The following SRF variants were observed in gnomAD, a reference collection of about 807,000 sequenced individuals.
The protein encoded by SRF is c-fos serum response element-binding transcription factor.
A neutral mutation model predicts 37.1 loss-of-function variants in SRF; 7 were observed. That is an observed-to-expected ratio of 0.19 (90% CI 0.11 to 0.35). The LOEUF is 0.35. SRF is among the 10% of genes least tolerant of loss of function. The probability of loss-of-function intolerance (pLI) is 1.00; values close to 1 mark genes in which losing one functional copy is unlikely to be tolerated. For missense variants in SRF, 395 were observed against 694.4 expected, an observed-to-expected ratio of 0.57 and a Z score of 4.85; for synonymous variants, 285 against 310.1, an observed-to-expected ratio of 0.92 and a Z score of 0.85.
rs1435794416 is a variant in SRF at position 43,172,677 on chromosome 6, C to T, written c.513+508C>T. Among the ~76,000 whole-genome samples, 1 of 152,128 alleles carries T rather than the reference C, an allele frequency of 6.6e-6. No homozygotes were observed. Among genetic ancestry groups the T allele is most frequent in the African/African-American group, 2.4e-5 (1 of 41,414 alleles). On this transcript the variant is annotated intron_variant, in intron 1 of 6. Transcript: ENST00000265354. This position sits in a 1 kb window ranked among gnomAD's most constrained non-coding sequence, Gnocchi z 5.7. ...GAGTAGTGCTGGTTGGAAGGACAGG[C>T]AGGGTTAGGGACCAGGTAAGGGAGC...
chr6:43,179,266 C>A lies in SRF; in HGVS notation c.*76C>A. 1 of 1,517,908 alleles carries A rather than the reference C, an allele frequency of 6.6e-7. No homozygotes were observed. Among genetic ancestry groups the A allele is most frequent in the Non-Finnish European group, 9.1e-7 (1 of 1,101,962 alleles). The allele number at this position is 1,517,908 out of a possible 1,614,324, so 94.0% of individuals were successfully genotyped here. ...TTGTTGCCTTTTCACGTTTTCTTTA[C>A]ACACACGTTGACGGGCCGCAGGAGG... On this transcript the variant is annotated 3_prime_UTR_variant, in exon 7 of 7. Transcript: ENST00000265354. The surrounding 1 kb of genome is among the most constrained non-coding windows in gnomAD (Gnocchi z 5.3).
Position 43,178,888 on chromosome 6 carries a change from T to C in SRF, c.1431+6T>C, listed in dbSNP as rs990426829. 3 of 1,613,978 alleles carry C rather than the reference T, an allele frequency of 1.9e-6. No homozygotes were observed. Among genetic ancestry groups the C allele is most frequent in the Non-Finnish European group, 2.5e-6 (3 of 1,179,806 alleles). Reference sequence around the variant, plus strand: ...CAGCAGTTCAGCTCCACCAGGTAGGTAGGGATATCTTTCACCCCATCCCAG... The same window carrying C: ...CAGCAGTTCAGCTCCACCAGGTAGGCAGGGATATCTTTCACCCCATCCCAG... On this transcript the variant is annotated splice_donor_region_variant and intron_variant, in intron 6 of 6. Transcript: ENST00000265354. This position sits in a 1 kb window ranked among gnomAD's most constrained non-coding sequence, Gnocchi z 4.3.
chr6:43,177,466 G>A (rs1385670777), intron 4 of SRF, among the ~76,000 whole-genome samples: 1 of 150,910 alleles, frequency 6.6e-6, no homozygotes, highest in African/African-American at 2.4e-5. Flanking sequence ...TCCTGACCTC[G>A]TGATCCGCCC....
rs774304417 is a variant in SRF, at chr6:43,173,403, A to G, written c.514-444A>G. Among the ~76,000 whole-genome samples, 3 of 152,242 alleles carry G rather than the reference A, an allele frequency of 2.0e-5. No individual in the cohort carries two copies. Among genetic ancestry groups the G allele is most frequent in the Non-Finnish European group, 4.4e-5 (3 of 68,040 alleles). On this transcript the variant is annotated intron_variant, in intron 1 of 6. Coordinates refer to ENST00000265354, the MANE Select transcript of SRF (RefSeq NM_003131.4). The surrounding 1 kb of genome is among the most constrained non-coding windows in gnomAD (Gnocchi z 4.2). ...GTTGGAGCCTGTGCAGTTTCTGGAAAGAAACATGGGACAGTTGGAGCTTAA... is the reference window on the plus strand; with the variant it reads ...GTTGGAGCCTGTGCAGTTTCTGGAAGGAAACATGGGACAGTTGGAGCTTAA...
Position 43,178,314 on chromosome 6 carries a change from A to T in SRF, c.1183A>T (p.Met395Leu). The change falls in exon 5 of 7, where the codon ATG (methionine) becomes TTG (leucine). Residue 395 changes from methionine to leucine, a missense_variant. By Grantham distance (15) the Met-to-Leu change is conservative. Coordinates refer to ENST00000265354, the MANE Select transcript of SRF (RefSeq NM_003131.4). The surrounding 1 kb of genome is among the most constrained non-coding windows in gnomAD (Gnocchi z 4.3). ...GCCAGTGACGCTGCCCGCCACCATCATGACGTCATCCGTGCCCACAACTGT... is the reference window on the plus strand; with the variant it reads ...GCCAGTGACGCTGCCCGCCACCATCTTGACGTCATCCGTGCCCACAACTGT... ...SGTVTLPATI[M>L]TSSVPTTVGG... 2 of 1,604,194 alleles carry T rather than the reference A, an allele frequency of 1.2e-6. No homozygotes were observed. Among genetic ancestry groups the T allele is most frequent in the Non-Finnish European group, 1.7e-6 (2 of 1,172,638 alleles).
chr6:43,178,654 C>T lies in SRF; in HGVS notation c.1355-152C>T, dbSNP rs2150497819. ...TTTGGACACCCCACTTGGACACTCA[C>T]ACCCGCATGCACCCTCAGACACACT... On this transcript the variant is annotated intron_variant, in intron 5 of 6. Transcript: ENST00000265354. This position sits in a 1 kb window ranked among gnomAD's most constrained non-coding sequence, Gnocchi z 4.3. 3 of 1,174,178 alleles carry T rather than the reference C, an allele frequency of 2.6e-6. No individual in the cohort carries two copies. The highest frequency in any genetic ancestry group is 1.8e-5 in the Admixed American group (1 of 57,136). 72.7% of individuals were successfully genotyped at this position (1,174,178 alleles called of 1,614,324 possible).
At position 43,171,935 on chromosome 6, in the gene SRF, C is replaced by T. The variant is rs767703965; in HGVS notation, c.279C>T (p.Ala93=). 1.3e-5 allele frequency: 19 copies of T among 1,474,628 alleles called. No homozygotes were observed. The African/African-American group carries it at 1.9e-4, about 15-fold the overall frequency. 91.3% of individuals were successfully genotyped at this position (1,474,628 alleles called of 1,614,324 possible). A position where few individuals can be genotyped will look rare whatever the true frequency, so the allele number is the denominator to read the frequency against. The change falls in exon 1 of 7, where the codon GCC becomes GCT. Residue 93 remains alanine, a synonymous_variant. Coordinates refer to ENST00000265354, the MANE Select transcript of SRF (RefSeq NM_003131.4). The surrounding 1 kb of genome is among the most constrained non-coding windows in gnomAD (Gnocchi z 6.5). Reference sequence around the variant, plus strand: ...CGGGCGAGGAGGAGGAGCTGGGCGCCGAGCGGCGCGGCCTGAAGCGGAGCC... The same window carrying T: ...CGGGCGAGGAGGAGGAGCTGGGCGCTGAGCGGCGCGGCCTGAAGCGGAGCC... The part of the protein sequence containing the change: ...SESGEEEELG[A]ERRGLKRSLS...
At chr6:43,177,630 G>T (rs975809130) in intron 4 of SRF, among the ~76,000 whole-genome samples, 3 of 151,476 alleles carry the variant, frequency 2.0e-5, no homozygotes, top group African/African-American at 2.4e-5. Flanking sequence ...AAGAAGGAGA[G>T]AGAGGCCGGG....
Position 43,181,032 on chromosome 6 carries a change from T to C in SRF, c.*1842T>C. On this transcript the variant is annotated 3_prime_UTR_variant, in exon 7 of 7. Coordinates refer to ENST00000265354, the MANE Select transcript of SRF (RefSeq NM_003131.4). ...ATCAGGGGCCAGAGAGCAGGGGAGC[T>C]TGGGACTCAGGTCTGTAACTGCCCA... 6.5e-6 allele frequency: 1 copy of C among 152,772 alleles called. No individual in the cohort carries two copies. The highest frequency in any genetic ancestry group is 1.5e-5 in the Non-Finnish European group (1 of 68,060). 9.5% of individuals were successfully genotyped at this position (152,772 alleles called of 1,614,324 possible).
rs1457016910 is a variant in SRF at position 43,173,372 on chromosome 6, C to T, written c.514-475C>T. 2.6e-5 allele frequency among the ~76,000 whole-genome samples: 4 copies of T among 152,178 alleles called. No homozygotes were observed. Among genetic ancestry groups the T allele is most frequent in the Non-Finnish European group, 4.4e-5 (3 of 68,024 alleles). On this transcript the variant is annotated intron_variant, in intron 1 of 6. Coordinates refer to ENST00000265354, the MANE Select transcript of SRF (RefSeq NM_003131.4). The surrounding 1 kb of genome is among the most constrained non-coding windows in gnomAD (Gnocchi z 4.2). ...GGCAAAAGGAGAAACTAGGCTGTGG[C>T]AACAAGTTGGAGCCTGTGCAGTTTC...
At position 43,172,181 on chromosome 6, in the gene SRF, G is replaced by A; in HGVS notation, c.513+12G>A. ...GCATCATGAAGAAGGTACCAAGCCGGGGGGCTGGCCGGCCCCGGGGCCCGG... is the reference window on the plus strand; with the variant it reads ...GCATCATGAAGAAGGTACCAAGCCGAGGGGCTGGCCGGCCCCGGGGCCCGG... On this transcript the variant is annotated intron_variant, in intron 1 of 6. Transcript: ENST00000265354. This position sits in a 1 kb window ranked among gnomAD's most constrained non-coding sequence, Gnocchi z 5.7. 1 of 1,606,654 alleles carries A rather than the reference G, an allele frequency of 6.2e-7. No homozygotes were observed. Among genetic ancestry groups the A allele is most frequent in the African/African-American group, 1.3e-5 (1 of 74,992 alleles).
At position 43,180,147 on chromosome 6, in the gene SRF, G is replaced by T. The variant is rs1034737199; in HGVS notation, c.*957G>T. 1 of 152,292 alleles carries T rather than the reference G, an allele frequency of 6.6e-6. No homozygotes were observed. The highest frequency in any genetic ancestry group is 2.4e-5 in the African/African-American group (1 of 41,448). The allele number at this position is 152,292 out of a possible 1,614,324, so 9.4% of individuals were successfully genotyped here. The stretch of plus-strand genomic sequence containing the variant: ...GGTTGTTTCCAGGAGAAAGCCGGGG[G>T]AGGGGCCCTCAGGCCATTCCCCAAC... On this transcript the variant is annotated 3_prime_UTR_variant, in exon 7 of 7. Coordinates refer to ENST00000265354, the MANE Select transcript of SRF (RefSeq NM_003131.4).
Position 43,179,057 on chromosome 6 carries a change from C to A in SRF, c.1432-38C>A. The A allele has an allele frequency of 6.2e-7, 1 of 1,610,364 alleles. No individual in the cohort carries two copies. Among genetic ancestry groups the A allele is most frequent in the Non-Finnish European group, 8.5e-7 (1 of 1,176,940 alleles). On this transcript the variant is annotated intron_variant, in intron 6 of 6. Coordinates refer to ENST00000265354, the MANE Select transcript of SRF (RefSeq NM_003131.4). The surrounding 1 kb of genome is among the most constrained non-coding windows in gnomAD (Gnocchi z 5.3). ...GCCAGGGGAGCCTGAACTGGCTGGC[C>A]AGTCCCTGCCCCTCCTCATACATCC...
chr6:43,177,872 G>A (rs1223269075), intron 4 of SRF, among the ~76,000 whole-genome samples: 4 of 146,914 alleles, frequency 2.7e-5, no homozygotes, highest in East Asian at 2.0e-4. Flanking sequence ...CCAAGATCGC[G>A]CCACTGCACC....
chr6:43,178,905 C>T lies in SRF; in HGVS notation c.1431+23C>T. On this transcript the variant is annotated intron_variant, in intron 6 of 6. Transcript: ENST00000265354. The surrounding 1 kb of genome is among the most constrained non-coding windows in gnomAD (Gnocchi z 4.3). ...CAGGTAGGTAGGGATATCTTTCACC[C>T]CATCCCAGATAGCCACTTCTTTGTC... 6.2e-7 allele frequency: 1 copy of T among 1,611,492 alleles called. No individual in the cohort carries two copies. The highest frequency in any genetic ancestry group is 8.5e-7 in the Non-Finnish European group (1 of 1,177,584).
rs1304755123 is a variant in SRF at position 43,175,734 on chromosome 6, C to G, written c.809C>G (p.Thr270Ser). 1 of 1,614,064 alleles carries G rather than the reference C, an allele frequency of 6.2e-7. No homozygotes were observed. The highest frequency in any genetic ancestry group is 8.5e-7 in the Non-Finnish European group (1 of 1,180,034). ...KDTLKPAFTV[T>S]NLPGTTSTIQ... Reference sequence around the variant, plus strand: ...ACACTGAAGCCGGCGTTCACAGTCACCAACCTGCCGGGTACAACCTCCACC... The same window carrying G: ...ACACTGAAGCCGGCGTTCACAGTCAGCAACCTGCCGGGTACAACCTCCACC... Residue 270 changes from threonine to serine, a missense_variant, in exon 3 of 7, where the codon ACC becomes AGC. Coordinates refer to ENST00000265354, the MANE Select transcript of SRF (RefSeq NM_003131.4).
chr6:43,174,028 C>G lies in SRF; in HGVS notation c.695C>G (p.Thr232Arg). 6.2e-7 allele frequency: 1 copy of G among 1,614,212 alleles called. No individual in the cohort carries two copies. ...PDSPPRSDPT[T>R]DQRMSATGFE... ...TCTCCACCCCGTTCAGACCCCACAACAGACCAGAGAATGAGTGCCACTGGC... is the reference window on the plus strand; with the variant it reads ...TCTCCACCCCGTTCAGACCCCACAAGAGACCAGAGAATGAGTGCCACTGGC... The change falls in exon 2 of 7, where the codon ACA becomes AGA. Residue 232 changes from threonine to arginine, a missense_variant. Thr to Arg is a moderately conservative substitution (Grantham distance 71). Around this residue, in one of 4 missense-constraint regions of SRF, gnomAD observed 20 missense variants for 37.2 expected, o/e 0.54. Transcript: ENST00000265354.
In SRF at chr6:43,171,510, G is replaced by A. The variant is rs974796628; in HGVS notation, c.-147G>A. 3.3e-5 allele frequency: 31 copies of A among 926,066 alleles called. No individual in the cohort carries two copies. In the African/African-American group the frequency reaches 4.4e-4, roughly 13 times the overall value. The allele number at this position is 926,066 out of a possible 1,614,324, so 57.4% of individuals were successfully genotyped here. A position where few individuals can be genotyped will look rare whatever the true frequency, so the allele number is the denominator to read the frequency against. On this transcript the variant is annotated 5_prime_UTR_variant, in exon 1 of 7. Transcript: ENST00000265354. The surrounding 1 kb of genome is among the most constrained non-coding windows in gnomAD (Gnocchi z 6.5). ...GCCCAGGTCGGCCCGGGCGTGCAGG[G>A]GCCCCGGGTTCGCAGCGGCGGCCGC... is the stretch of plus-strand genomic sequence containing the variant.
Position 43,178,851 on chromosome 6 carries a change from A to C in SRF, c.1400A>C (p.Gln467Pro), listed in dbSNP as rs758641072. The stretch of plus-strand genomic sequence containing the variant: ...CTGACAGCATCATCTGGGACAGTGC[A>C]GATCCCTGTTTCAGCAGTTCAGCTC... ...VFLTASSGTVQIPVSAVQLHQ... is the reference protein window; with the variant it reads ...VFLTASSGTVPIPVSAVQLHQ... Residue 467 changes from glutamine (Q) to proline (P), a missense_variant, in exon 6 of 7, where the codon CAG (glutamine) becomes CCG (proline). Transcript: ENST00000265354. The surrounding 1 kb of genome is among the most constrained non-coding windows in gnomAD (Gnocchi z 4.3). 6.2e-7 allele frequency: 1 copy of C among 1,614,266 alleles called. No individual in the cohort carries two copies. Among genetic ancestry groups the C allele is most frequent in the Non-Finnish European group, 8.5e-7 (1 of 1,180,044 alleles).
Sources: gnomAD v4.1 joint callset for allele counts (sites outside exome capture counted in the v4.1 genomes callset) on GRCh38, gnomAD v4.1.1 for gene constraint, gnomAD v4.1.1 regional missense constraint, Gnocchi (gnomAD v3.1) non-coding constraint, MANE v1.5 for transcripts, NCBI Gene and HGNC (gene_info 2026-07-23, HGNC 2026-07-21) for gene names.